The following TOMM40L variants were observed in gnomAD, a reference collection of about 807,000 sequenced individuals.
TOMM40L encodes translocase of outer mitochondrial membrane 40 like, also known as mitochondrial import receptor subunit TOM40B.
A neutral mutation model predicts 38.3 loss-of-function variants in TOMM40L; 17 were observed. The observed-to-expected ratio is 0.44, with a 90% CI of 0.30 to 0.67. TOMM40L has a LOEUF of 0.67. Among genes scored for constraint, TOMM40L ranks in the 30% least tolerant of loss-of-function variants. The probability of loss-of-function intolerance (pLI) is 0.08; values close to 1 mark genes in which losing one functional copy is unlikely to be tolerated. For missense variants in TOMM40L, 294 were observed against 390.0 expected (o/e 0.75, Z 2.07); for synonymous variants, 151 against 150.2 (o/e 1.01, Z -0.04).
Position 161,227,308 on chromosome 1 carries a change from C to T in TOMM40L, c.234C>T (p.Leu78=). ...MSALGLPGYH[L]HAAYAGDWQL... ...CCCTGGGCTTGCCGGGATATCACCT[C>T]CATGCGGCCTATGCAGGGGATTGGC... The change falls in exon 4 of 10, where the codon CTC becomes CTT. Residue 78 remains leucine (L), a synonymous_variant. Coordinates refer to ENST00000367988, the MANE Select transcript of TOMM40L (RefSeq NM_032174.6). 1 of 1,614,176 alleles carries T rather than the reference C, an allele frequency of 6.2e-7. No homozygotes were observed. Among genetic ancestry groups the T allele is most frequent in the South Asian group, 1.1e-5 (1 of 91,090 alleles).
rs374950980 is a variant in TOMM40L, at chr1:161,228,179, C to G, written c.485-7C>G. 2.2e-5 allele frequency: 34 copies of G among 1,579,370 alleles called. No individual in the cohort carries two copies. Among genetic ancestry groups the G allele is most frequent in the Non-Finnish European group, 2.8e-5 (32 of 1,160,946 alleles). On this transcript the variant is annotated splice_region_variant and splice_polypyrimidine_tract_variant and intron_variant, in intron 6 of 9. Transcript: ENST00000367988. ...GACTGACTCCATGTCTCCCCATTCCCCCACAGTGATCATGGTTGCTCACTT... is the reference window on the plus strand; with the variant it reads ...GACTGACTCCATGTCTCCCCATTCCGCCACAGTGATCATGGTTGCTCACTT...
chr1:161,229,009 C>T lies in TOMM40L; in HGVS notation c.841C>T (p.Pro281Ser), dbSNP rs751149853. ...VGAVLEKKMP[P>S]LPVTLALGAF... ...TGCTGTGCTGGAGAAGAAGATGCCC[C>T]CTCTGCCTGTCACCCTAGCCCTTGG... The change falls in exon 10 of 10, where the codon CCT (proline) becomes TCT (serine). Residue 281 changes from proline to serine, a missense_variant. Coordinates refer to ENST00000367988, the MANE Select transcript of TOMM40L (RefSeq NM_032174.6). 11 of 1,614,014 alleles carry T rather than the reference C, an allele frequency of 6.8e-6. No individual in the cohort carries two copies. The Admixed American group carries it at 1.0e-4, about 15-fold the overall frequency.
Position 161,228,826 on chromosome 1 carries a change from T to A in TOMM40L, c.787+9T>A, listed in dbSNP as rs1388931120. 6.2e-7 allele frequency: 1 copy of A among 1,614,080 alleles called. No homozygotes were observed. Among genetic ancestry groups the A allele is most frequent in the Non-Finnish European group, 8.5e-7 (1 of 1,179,968 alleles). On this transcript the variant is annotated intron_variant, in intron 9 of 9. Transcript: ENST00000367988. ...CAACATGGTATTTAGAGGTGAGGGT[T>A]ATTGGGAGACATTTGGCTATCCTGA...
intron 8 of TOMM40L, 82 bp downstream of exon 8, chr1:161,228,586 A>C (rs946312463): frequency 1.8e-5 from 29 of 1,578,620 alleles, no homozygotes; most frequent in Middle Eastern, 1.7e-4. Context: ...CGCCCTGCTG[A>C]CCTATTTTTC....
chr1:161,228,787 A>T lies in TOMM40L; in HGVS notation c.757A>T (p.Thr253Ser), dbSNP rs1434592684. Residue 253 changes from threonine to serine, a missense_variant, in exon 9 of 10, where the codon ACT becomes TCT. Transcript: ENST00000367988. ...AACATTCTCCTTTGGTTACCACCTGACTCTGCCCCAGGCCAACATGGTATT... is the reference window on the plus strand; with the variant it reads ...AACATTCTCCTTTGGTTACCACCTGTCTCTGCCCCAGGCCAACATGGTATT... ...DTTFSFGYHL[T>S]LPQANMVFRG... 1 of 1,613,914 alleles carries T rather than the reference A, an allele frequency of 6.2e-7. No individual in the cohort carries two copies. The highest frequency in any genetic ancestry group is 1.1e-5 in the South Asian group (1 of 91,076).
In TOMM40L at chr1:161,229,290, TC is replaced by T; in HGVS notation, c.*201del. ...AGTTGATGAGGCAGAGGTTTGAGGA[TC>T]CCCCCTCTGCTACCAGCCCCAGTAT... On this transcript the variant is annotated 3_prime_UTR_variant, in exon 10 of 10. Transcript: ENST00000367988. The T allele has an allele frequency of 1.4e-6, 1 of 731,494 alleles. No individual in the cohort carries two copies. The highest frequency in any genetic ancestry group is 1.8e-5 in the African/African-American group (1 of 56,306). 45.3% of individuals were successfully genotyped at this position (731,494 alleles called of 1,614,324 possible).
At chr1:161,228,911 C>G (rs773256156) in intron 9 of TOMM40L, 45 bp from the exon 10 acceptor site, 2 of 1,613,954 alleles carry the variant, frequency 1.2e-6, no homozygotes, top group Non-Finnish European at 1.7e-6. Flanking sequence ...ACTATTTCCT[C>G]CAATCCCTGT....
At position 161,229,589 on chromosome 1, in the gene TOMM40L, C is replaced by A; in HGVS notation, c.*494C>A. On this transcript the variant is annotated 3_prime_UTR_variant, in exon 10 of 10. Transcript: ENST00000367988. ...TCTTAGCCCTGAGGTTTCCTCCTTCCCATCTTCTGTGCTTCCAGAGAACAA... is the reference window on the plus strand; with the variant it reads ...TCTTAGCCCTGAGGTTTCCTCCTTCACATCTTCTGTGCTTCCAGAGAACAA... 6.4e-7 allele frequency: 1 copy of A among 1,556,824 alleles called. No homozygotes were observed. The highest frequency in any genetic ancestry group is 8.7e-7 in the Non-Finnish European group (1 of 1,143,492).
rs1292281005 is a variant in TOMM40L, at chr1:161,229,022, C to T, written c.854C>T (p.Thr285Ile). ...AAGAAGATGCCCCCTCTGCCTGTCA[C>T]CCTAGCCCTTGGAGCCTTCCTCAAT... ...LEKKMPPLPV[T>I]LALGAFLNHW... is the part of the protein sequence containing the mutation. Residue 285 changes from threonine (T) to isoleucine (I), a missense_variant, in exon 10 of 10, where the codon ACC becomes ATC. By Grantham distance (89) the Thr-to-Ile change is moderately conservative. Transcript: ENST00000367988. The T allele has an allele frequency of 1.9e-6, 3 of 1,614,094 alleles. No individual in the cohort carries two copies. The highest frequency in any genetic ancestry group is 2.2e-5 in the South Asian group (2 of 91,094).
intron 8 of TOMM40L, 72 bp downstream of exon 8, chr1:161,228,576 C>T (rs779919169): frequency 2.7e-5 from 42 of 1,581,614 alleles, no homozygotes; most frequent in Non-Finnish European, 3.3e-5. Context: ...GGACCTCTAT[C>T]GCCCTGCTGA....
At position 161,227,976 on chromosome 1, in the gene TOMM40L, G is replaced by T. The variant is rs1448370671; in HGVS notation, c.471G>T (p.Leu157=). The T allele has an allele frequency of 5.6e-6, 9 of 1,614,160 alleles. No homozygotes were observed. Among genetic ancestry groups the T allele is most frequent in the Non-Finnish European group, 7.6e-6 (9 of 1,179,998 alleles). The change falls in exon 6 of 10, where the codon CTG becomes CTT. Residue 157 remains leucine, a synonymous_variant. Transcript: ENST00000367988. ...CTCTGACCCTAGGAAATCCTGACCT[G>T]ATTGGGGAGTCGGGTGAGGAACTGG... ...TATLTLGNPD[L]IGESVIMVAH...
At position 161,226,419 on chromosome 1, in the gene TOMM40L, G is replaced by C. The variant is rs1392081794; in HGVS notation, c.-71G>C. The C allele has an allele frequency of 2.2e-6, 3 of 1,378,968 alleles. No individual in the cohort carries two copies. Among genetic ancestry groups the C allele is most frequent in the South Asian group, 1.3e-5 (1 of 77,712 alleles). The allele number at this position is 1,378,968 out of a possible 1,614,324, so 85.4% of individuals were successfully genotyped here. On this transcript the variant is annotated 5_prime_UTR_variant, in exon 2 of 10. Transcript: ENST00000367988. ...AGCCGGATAATGGGGGGTGGGGCCC[G>C]TTGGGGGGTAAAGGGGCAATAGCGT...
chr1:161,230,616 A>T lies in TOMM40L; in HGVS notation c.*1521A>T. The T allele has an allele frequency of 1.4e-6, 1 of 690,634 alleles. No homozygotes were observed. The highest frequency in any genetic ancestry group is 2.4e-6 in the Non-Finnish European group (1 of 418,010). The allele number at this position is 690,634 out of a possible 1,614,324, so 42.8% of individuals were successfully genotyped here. On this transcript the variant is annotated 3_prime_UTR_variant, in exon 10 of 10. Transcript: ENST00000367988. ...AAAAAAATCTGGAAAAAGTGAGATG[A>T]AACAGCAGTATCCAAATACAGCAAT...
Position 161,230,040 on chromosome 1 carries a change from C to T in TOMM40L, c.*945C>T, listed in dbSNP as rs1430688858. ...ATTCCTCAGTGAAGCCAGGTCTGAA[C>T]ATTAGAGAAAATCATGCTCTGGTAT... On this transcript the variant is annotated 3_prime_UTR_variant, in exon 10 of 10. Coordinates refer to ENST00000367988, the MANE Select transcript of TOMM40L (RefSeq NM_032174.6). 1 of 1,289,116 alleles carries T rather than the reference C, an allele frequency of 7.8e-7. No individual in the cohort carries two copies. The highest frequency in any genetic ancestry group is 1.1e-6 in the Non-Finnish European group (1 of 924,020). 79.9% of individuals were successfully genotyped at this position (1,289,116 alleles called of 1,614,324 possible).
chr1:161,226,848 TTGTC>T (rs781489760), intron 2 of TOMM40L, 36 bp from the exon 3 acceptor site: 24 of 1,607,204 alleles, frequency 1.5e-5, no homozygotes, highest in South Asian at 4.4e-5. Flanking sequence ...TAGGGGTTCT[TTGTC>T]TGTGCTTATT....
At chr1:161,226,229 C>CCG in intron 1 of TOMM40L, 93 bp downstream of exon 1, 1 of 438,396 alleles carries the variant, frequency 2.3e-6, no homozygotes, top group South Asian at 2.8e-5. Context: ...GTGGTGGGGG[C>CCG]TAGGATCAGA....
At chr1:161,227,484 A>T in intron 4 of TOMM40L, 134 bp downstream of exon 4, 1 of 1,054,420 alleles carries the variant, frequency 9.5e-7, no homozygotes. Context: ...TGAATGAGAG[A>T]GGGTAGAGAA....
At chr1:161,228,136 T>C (rs768136558) in intron 6 of TOMM40L, 50 bp from the exon 7 acceptor site, 1 of 1,574,296 alleles carries the variant, frequency 6.4e-7, no homozygotes, top group South Asian at 1.2e-5. Flanking sequence ...AGGGAGCAGG[T>C]CTGGATATTG....
Position 161,229,947 on chromosome 1 carries a change from T to A in TOMM40L, c.*852T>A, listed in dbSNP as rs370975090. 1 of 1,613,654 alleles carries A rather than the reference T, an allele frequency of 6.2e-7. No individual in the cohort carries two copies. The highest frequency in any genetic ancestry group is 8.5e-7 in the Non-Finnish European group (1 of 1,179,880). On this transcript the variant is annotated 3_prime_UTR_variant, in exon 10 of 10. Transcript: ENST00000367988. ...GAAACCTTTGGAGGAAGTAGTGGGG[T>A]TGCCAGGAAAACAGGAGGGAAATAA...
Sources: gnomAD v4.1 joint callset for allele counts on GRCh38, gnomAD v4.1.1 for gene constraint, MANE v1.5 for transcripts, NCBI Gene and HGNC (gene_info 2026-07-23, HGNC 2026-07-21) for gene names.